Variants in MYH11 observed in about 807,000 individuals in gnomAD.
The protein encoded by MYH11 is myosin-11.
In MYH11, 80 loss-of-function variants were observed where a neutral mutation model predicts 246.6. That is an observed-to-expected ratio of 0.32 (90% CI 0.27 to 0.39). The LOEUF is 0.39. Among genes scored for constraint, MYH11 ranks in the 10% least tolerant of loss-of-function variants. The probability of loss-of-function intolerance (pLI) is 1.00; values close to 1 mark genes in which losing one functional copy is unlikely to be tolerated. For synonymous variants in MYH11, 1,071 were observed against 1,015.5 expected (o/e 1.05, Z -1.04); for missense variants, 2,158 against 2,546.8 (o/e 0.85, Z 3.29).
At chr16:15,725,158 C>T in intron 28 of MYH11, 166 bp from the exon 29 acceptor site, 1 of 650,534 alleles carries the variant, frequency 1.5e-6, no homozygotes, top group East Asian at 2.7e-5. Flanking sequence ...AACACACACA[C>T]ACACAAAAAA....
chr16:15,735,339 G>C, intron 26 of MYH11, 27 bp downstream of exon 26: 2 of 1,611,820 alleles, frequency 1.2e-6, no homozygotes, highest in Non-Finnish European at 1.7e-6. Context: ...TGGGATAGCA[G>C]GATGGTGGGA....
intron 33 of MYH11, 102 bp from the exon 34 acceptor site, chr16:15,720,414 C>G (rs2040405450): frequency 6.8e-7 from 1 of 1,464,064 alleles, no homozygotes. Flanking sequence ...GCACAGCCCC[C>G]TTGTGAGGTG....
chr16:15,758,026 C>T (rs2041776272), intron 12 of MYH11, 26 bp from the exon 13 acceptor site: 3 of 1,612,702 alleles, frequency 1.9e-6, no homozygotes, highest in Non-Finnish European at 2.5e-6. Context: ...GGGGGCGGGG[C>T]GTGAGCATCT....
At chr16:15,721,286 G>T in intron 32 of MYH11, 136 bp downstream of exon 32, 2 of 1,116,512 alleles carry the variant, frequency 1.8e-6, no homozygotes, top group Non-Finnish European at 2.6e-6. Context: ...CCCTGCACCA[G>T]TCCAAAAACC....
At position 15,740,038 on chromosome 16, in the gene MYH11, G is replaced by A. The variant is rs757749482; in HGVS notation, c.2997+13C>T. ...ATTATAGGCGTGAGCCACTGCACCC[G>A]GCCCCTACTCACTTTTGATAGTTTA... On this transcript the variant is annotated intron_variant, in intron 23 of 40. Transcript: ENST00000300036. 7.4e-5 allele frequency: 119 copies of A among 1,612,988 alleles called. No individual in the cohort carries two copies. The highest frequency in any genetic ancestry group is 7.8e-5 in the Non-Finnish European group (92 of 1,179,634).
chr16:15,823,670 G>T (rs546478639), intron 2 of MYH11, among the ~76,000 whole-genome samples: 1 of 152,230 alleles, frequency 6.6e-6, no homozygotes, highest in South Asian at 2.1e-4. Flanking sequence ...TGTCACCTAG[G>T]CTGGAGTGCG....
At chr16:15,846,764 G>T (rs1451872097) in intron 1 of MYH11, among the ~76,000 whole-genome samples, 1 of 152,176 alleles carries the variant, frequency 6.6e-6, no homozygotes, top group Non-Finnish European at 1.5e-5. Flanking sequence ...GACCGGCCTG[G>T]TCAACATGGT....
intron 9 of MYH11, among the ~76,000 whole-genome samples, chr16:15,767,941 T>A (rs2042020246): frequency 6.6e-6 from 1 of 151,842 alleles, no homozygotes; most frequent in South Asian, 2.1e-4. Context: ...AAAAAAATTT[T>A]TTTTTTTTAA....
intron 3 of MYH11, among the ~76,000 whole-genome samples, chr16:15,819,410 C>T (rs989750923): frequency 2.6e-5 from 4 of 152,192 alleles, no homozygotes; most frequent in South Asian, 2.1e-4. Context: ...TGGGCTTCAT[C>T]TGTATTTACA....
intron 2 of MYH11, among the ~76,000 whole-genome samples, chr16:15,826,765 G>A (rs112630627): frequency 0.022 from 3,350 of 151,850 alleles, 117 homozygotes; most frequent in African/African-American, 0.073. Flanking sequence ...ACCAAGGAGG[G>A]CAGATTGCTC....
intron 31 of MYH11, 125 bp downstream of exon 31, chr16:15,724,036 C>T: frequency 2.0e-6 from 3 of 1,522,016 alleles, no homozygotes; most frequent in Non-Finnish European, 1.8e-6. Flanking sequence ...AGACAGCCTC[C>T]CATGGCTCCC....
chr16:15,825,267 G>A (rs866045543), intron 2 of MYH11, among the ~76,000 whole-genome samples: 2 of 151,852 alleles, frequency 1.3e-5, no homozygotes, highest in South Asian at 4.2e-4. Context: ...AATGCTCTGG[G>A]GCCAAGTGTA....
chr16:15,838,107 C>T lies in MYH11; in HGVS notation c.146G>A (p.Ser49Asn), dbSNP rs1471463253. The change falls in exon 2 of 41, where the codon AGC becomes AAC. Residue 49 changes from serine (S) to asparagine (N), a missense_variant. By Grantham distance (46) the Ser-to-Asn change is conservative. Around this residue, in one of 11 missense-constraint regions of MYH11, gnomAD observed 96 missense variants for 91.9 expected, o/e 1.04. Transcript: ENST00000300036. ...PSEKQGFEAASIKEEKGDEVV... is the reference protein window; with the variant it reads ...PSEKQGFEAANIKEEKGDEVV... ...CTCATCCCCCTTCTCCTCCTTAATG[C>T]TGGCTGCCTCGAAGCCCTGCTTCTC... The T allele has an allele frequency of 6.2e-7, 1 of 1,614,114 alleles. No individual in the cohort carries two copies. Among genetic ancestry groups the T allele is most frequent in the Admixed American group, 1.7e-5 (1 of 60,012 alleles).
chr16:15,784,733 C>T lies in MYH11; in HGVS notation c.633+1897G>A, dbSNP rs1342184204. On this transcript the variant is annotated intron_variant, in intron 5 of 40. Coordinates refer to ENST00000300036, the MANE Select transcript of MYH11 (RefSeq NM_002474.3). Reference sequence around the variant, plus strand: ...GATGGGCCTTGCTGTGGTTGAACAACACAGTATAAAACAAATGTCAGCGTT... The same window carrying T: ...GATGGGCCTTGCTGTGGTTGAACAATACAGTATAAAACAAATGTCAGCGTT... The T allele has an allele frequency of 3.1e-6, 5 of 1,613,750 alleles. No homozygotes were observed. The highest frequency in any genetic ancestry group is 4.2e-6 in the Non-Finnish European group (5 of 1,179,842).
intron 2 of MYH11, among the ~76,000 whole-genome samples, chr16:15,831,720 T>C (rs770066738): frequency 6.6e-6 from 1 of 151,910 alleles, no homozygotes; most frequent in Non-Finnish European, 1.5e-5. Flanking sequence ...GGGAGGATCA[T>C]CTGAGTTCAG....
chr16:15,726,559 C>T, intron 28 of MYH11: 1 of 499,576 alleles, frequency 2.0e-6, no homozygotes, highest in South Asian at 2.1e-5. Flanking sequence ...TTAGTAGAGA[C>T]TTTTCACCAT....
At chr16:15,771,453 TAATGGAAGG>T in intron 9 of MYH11, 107 bp downstream of exon 9, 2 of 976,432 alleles carry the variant, frequency 2.0e-6, no homozygotes, top group Non-Finnish European at 2.9e-6. Flanking sequence ...TTTTTTTTTT[TAATGGAAGG>T]TGGGGAATTC....
intron 6 of MYH11, 47 bp downstream of exon 6, chr16:15,782,338 A>G (rs1295108483): frequency 6.5e-7 from 1 of 1,541,514 alleles, no homozygotes; most frequent in Non-Finnish European, 9.0e-7. Flanking sequence ...CAGGCAGGAG[A>G]TGACACCAAA....
At chr16:15,812,885 G>C (rs913626032) in intron 3 of MYH11, among the ~76,000 whole-genome samples, 26 of 145,420 alleles carry the variant, frequency 1.8e-4, no homozygotes, top group Admixed American at 1.7e-3. Context: ...AAATAAAAAA[G>C]ACTGGGCACG....
Sources: gnomAD v4.1 joint callset for allele counts (sites outside exome capture counted in the v4.1 genomes callset) on GRCh38, gnomAD v4.1.1 for gene constraint, gnomAD v4.1.1 regional missense constraint, MANE v1.5 for transcripts, NCBI Gene and HGNC (gene_info 2026-07-23, HGNC 2026-07-21) for gene names.